VDAC3: variants seen among roughly 807,000 people sequenced by gnomAD.
The protein encoded by VDAC3 is voltage dependent anion channel 3, also known as non-selective voltage-gated ion channel VDAC3.
VDAC3 carries 7 observed loss-of-function variants against 33.9 expected under a neutral mutation model. The observed-to-expected ratio is 0.21, with a 90% confidence interval of 0.12 to 0.39. The LOEUF is 0.39. Ranked by LOEUF, VDAC3 falls within the 10% of genes least tolerant of loss-of-function variation. The probability of loss-of-function intolerance (pLI) is 1.00; values close to 1 mark genes in which losing one functional copy is unlikely to be tolerated. For missense variants in VDAC3, 261 were observed against 334.5 expected (o/e 0.78, Z 1.71); for synonymous variants, 100 against 122.4 (o/e 0.82, Z 1.21).
intron 3 of VDAC3, among the ~76,000 whole-genome samples, chr8:42,394,560 C>G (rs1802272263): frequency 6.6e-6 from 1 of 152,152 alleles, no homozygotes; most frequent in Non-Finnish European, 1.5e-5. Context: ...GTCTCTTTGT[C>G]TGGCCCTGAG....
chr8:42,403,254 C>A (rs1261689530), intron 7 of VDAC3, 57 bp from the exon 8 acceptor site: 1 of 1,588,976 alleles, frequency 6.3e-7, no homozygotes, highest in African/African-American at 1.4e-5. Flanking sequence ...GTTTTCATAC[C>A]ATAATAACAA....
chr8:42,398,688 TAA>T, intron 4 of VDAC3, 22 bp from the exon 5 acceptor site: 4 of 1,600,432 alleles, frequency 2.5e-6, no homozygotes, highest in Non-Finnish European at 3.4e-6. Flanking sequence ...AATTTTAAAG[TAA>T]TTATTTTTTC....
intron 5 of VDAC3, 89 bp downstream of exon 5, chr8:42,398,953 C>T: frequency 6.8e-7 from 1 of 1,467,474 alleles, no homozygotes; most frequent in Non-Finnish European, 9.2e-7. Flanking sequence ...CAAAAGAGAT[C>T]TTACAACCTA....
chr8:42,404,779 A>G, intron 8 of VDAC3, 88 bp from the exon 9 acceptor site: 2 of 1,151,526 alleles, frequency 1.7e-6, no homozygotes, highest in African/African-American at 1.6e-5. Flanking sequence ...TGCTTTTAGC[A>G]TTGGAAACCT....
intron 4 of VDAC3, among the ~76,000 whole-genome samples, chr8:42,396,234 C>G (rs1193254253): frequency 6.6e-6 from 1 of 152,146 alleles, no homozygotes; most frequent in Non-Finnish European, 1.5e-5. Context: ...CTCCATCCAG[C>G]CTGGGCAACA....
intron 8 of VDAC3, 66 bp downstream of exon 8, chr8:42,403,527 G>A: frequency 6.9e-7 from 1 of 1,440,752 alleles, no homozygotes; most frequent in Non-Finnish European, 9.3e-7. Context: ...AGAATGTTGT[G>A]ATATGAGTGT....
rs1195572019 is a variant in VDAC3 at position 42,403,294 on chromosome 8, C to G, written c.552-17C>G. 6.2e-7 allele frequency: 1 copy of G among 1,613,332 alleles called. No individual in the cohort carries two copies. The highest frequency in any genetic ancestry group is 8.5e-7 in the Non-Finnish European group (1 of 1,179,830). On this transcript the variant is annotated splice_polypyrimidine_tract_variant and intron_variant, in intron 7 of 9. Transcript: ENST00000022615. ...ACAAACTAGATATTTATGACGTTTTCTTATCTATGAAAACAGGAACGATGG... is the reference window on the plus strand; with the variant it reads ...ACAAACTAGATATTTATGACGTTTTGTTATCTATGAAAACAGGAACGATGG...
chr8:42,405,063 CAA>C (rs1802476411), intron 9 of VDAC3, 139 bp downstream of exon 9: 1 of 775,182 alleles, frequency 1.3e-6, no homozygotes, highest in Non-Finnish European at 2.1e-6. Context: ...AGACAGAAAA[CAA>C]TACAGATCAA....
chr8:42,404,178 A>T (rs545365147), intron 8 of VDAC3, among the ~76,000 whole-genome samples: 1 of 152,304 alleles, frequency 6.6e-6, no homozygotes, highest in African/African-American at 2.4e-5. Context: ...TGTTTTACAG[A>T]TGAGAAAACT....
intron 9 of VDAC3, 139 bp from the exon 10 acceptor site, chr8:42,405,232 C>T (rs1051596916): frequency 2.9e-5 from 20 of 691,156 alleles, no homozygotes; most frequent in Middle Eastern, 3.3e-4. Flanking sequence ...TATAAATAAC[C>T]GATTGAGTAA....
At chr8:42,395,953 T>C (rs1199720374) in intron 4 of VDAC3, among the ~76,000 whole-genome samples, 1 of 120,086 alleles carries the variant, frequency 8.3e-6, no homozygotes, top group Non-Finnish European at 1.7e-5. Flanking sequence ...AGTGAGACTT[T>C]GTCTTAAAAA....
chr8:42,404,197 G>A lies in VDAC3; in HGVS notation c.703-670G>A, dbSNP rs190306832. Among the ~76,000 whole-genome samples the A allele has an allele frequency of 4.9e-3, 743 of 152,288 alleles. 5 individuals carry two copies. The highest frequency in any genetic ancestry group is 0.017 in the African/African-American group (708 of 41,554). On this transcript the variant is annotated intron_variant, in intron 8 of 9. Coordinates refer to ENST00000022615, the MANE Select transcript of VDAC3 (RefSeq NM_005662.7). ...TTACAGATGAGAAAACTGAGCCTTA[G>A]AAAGGTCAGCTAACTTGCCTAAGGT...
chr8:42,397,921 G>A (rs1802344058), intron 4 of VDAC3, among the ~76,000 whole-genome samples: 1 of 151,896 alleles, frequency 6.6e-6, no homozygotes, highest in Admixed American at 6.6e-5. Flanking sequence ...TATTAAAATG[G>A]TAAAATGTAT....
At chr8:42,399,118 A>G (rs1481900001) in intron 5 of VDAC3, among the ~76,000 whole-genome samples, 2 of 152,112 alleles carry the variant, frequency 1.3e-5, no homozygotes, top group Non-Finnish European at 2.9e-5. Context: ...GGGTAGAACA[A>G]ACTATTTGCG....
At position 42,393,268 on chromosome 8, in the gene VDAC3, C is replaced by A. The variant is rs187310760; in HGVS notation, c.-42-577C>A. ...TGGGCTATATATAAATAAATATGAG[C>A]TTAAATGTGTAGATCATTCAGGCGT... On this transcript the variant is annotated intron_variant, in intron 1 of 9. Transcript: ENST00000022615. Among the ~76,000 whole-genome samples the A allele has an allele frequency of 5.9e-5, 9 of 152,206 alleles. No homozygotes were observed. In the East Asian group the frequency reaches 1.5e-3, roughly 26 times the overall value.
At chr8:42,404,743 T>G in intron 8 of VDAC3, 124 bp from the exon 9 acceptor site, 1 of 432,966 alleles carries the variant, frequency 2.3e-6, no homozygotes, top group African/African-American at 2.6e-5. Context: ...AAAAAAAAAA[T>G]CAGTAATTCT....
chr8:42,397,985 G>C (rs550604922), intron 4 of VDAC3, among the ~76,000 whole-genome samples: 4 of 152,288 alleles, frequency 2.6e-5, no homozygotes, highest in Admixed American at 2.6e-4. Context: ...AAGTAGTAAA[G>C]TGTTGACCCT....
chr8:42,405,005 G>T (rs928184843), intron 9 of VDAC3, 81 bp downstream of exon 9: 1 of 1,279,828 alleles, frequency 7.8e-7, no homozygotes, highest in Non-Finnish European at 1.1e-6. Context: ...AGAACAACCT[G>T]TAGTCACTGT....
chr8:42,405,026 G>A (rs1802475865), intron 9 of VDAC3, 102 bp downstream of exon 9: 3 of 1,062,080 alleles, frequency 2.8e-6, no homozygotes, highest in Middle Eastern at 2.4e-4. Context: ...AAGTTGATTT[G>A]GACCATTTTG....
Sources: gnomAD v4.1 joint callset for allele counts (sites outside exome capture counted in the v4.1 genomes callset) on GRCh38, gnomAD v4.1.1 for gene constraint, MANE v1.5 for transcripts, NCBI Gene and HGNC (gene_info 2026-07-23, HGNC 2026-07-21) for gene names.